STK33: variants seen among roughly 807,000 people sequenced by gnomAD.
STK33 encodes the protein serine/threonine-protein kinase 33.
STK33 carries 52 observed loss-of-function variants against 58.0 expected under a neutral mutation model. The observed-to-expected ratio is 0.90, with a 90% CI of 0.72 to 1.13. The LOEUF is 1.13. STK33 is among the 50% of genes most tolerant of loss of function. The pLI is 0.00. For synonymous variants in STK33, 215 were observed against 200.1 expected, an observed-to-expected ratio of 1.07 and a Z score of -0.63; for missense variants, 630 against 604.2, an observed-to-expected ratio of 1.04 and a Z score of -0.45.
rs1164039027 is a variant in STK33 at position 8,474,999 on chromosome 11, A to T, written c.-94T>A. Reference sequence around the variant, plus strand: ...AAAGGATAAGGTAGTTGATGGTGAAAACTGTAATTTCGAACTGGTGAAGTC... The same window carrying T: ...AAAGGATAAGGTAGTTGATGGTGAATACTGTAATTTCGAACTGGTGAAGTC... On this transcript the variant is annotated 5_prime_UTR_variant, in exon 5 of 16. Coordinates refer to ENST00000687296, the MANE Select transcript of STK33 (RefSeq NM_001352389.2). 4 of 1,248,984 alleles carry T rather than the reference A, an allele frequency of 3.2e-6. No individual in the cohort carries two copies. The Admixed American group carries it at 1.0e-4, about 32-fold the overall frequency. The allele number at this position is 1,248,984 out of a possible 1,614,324, so 77.4% of individuals were successfully genotyped here.
At chr11:8,424,250 G>C (rs1942384013) in intron 14 of STK33, among the ~76,000 whole-genome samples, 1 of 148,424 alleles carries the variant, frequency 6.7e-6, no homozygotes, top group African/African-American at 2.5e-5. Flanking sequence ...TTGGCTTTTT[G>C]TCCTTGCGAT....
At chr11:8,522,335 G>A (rs1429952388) in intron 1 of STK33, among the ~76,000 whole-genome samples, 1 of 152,174 alleles carries the variant, frequency 6.6e-6, no homozygotes, top group Non-Finnish European at 1.5e-5. Flanking sequence ...GGACATGGGT[G>A]AAGCTAGAAA....
intron 7 of STK33, among the ~76,000 whole-genome samples, chr11:8,462,603 C>G (rs1947697382): frequency 1.3e-5 from 2 of 151,548 alleles, no homozygotes; most frequent in African/African-American, 2.4e-5. Flanking sequence ...GAGAGAGAGA[C>G]AGACAGACAA....
chr11:8,489,853 G>A (rs1950471723), intron 1 of STK33, among the ~76,000 whole-genome samples: 1 of 152,096 alleles, frequency 6.6e-6, no homozygotes. Flanking sequence ...GCAGTTTTGA[G>A]CAGGCAGAAG....
the STK33 span, among the ~76,000 whole-genome samples, chr11:8,376,143 C>T: frequency 6.6e-6 from 1 of 152,206 alleles, no homozygotes; most frequent in Non-Finnish European, 1.5e-5. Context: ...TTCCAGCCAG[C>T]CCAAGCATCA....
the STK33 span, among the ~76,000 whole-genome samples, chr11:8,386,464 G>A: frequency 1.3e-5 from 2 of 152,202 alleles, no homozygotes; most frequent in African/African-American, 4.8e-5. Context: ...TGGGTAGCTA[G>A]AAGCCTTTTC....
intron 1 of STK33, chr11:8,533,265 C>CA (rs1954696261): frequency 6.6e-6 from 1 of 152,052 alleles, no homozygotes; most frequent in African/African-American, 2.4e-5. Context: ...TGCATATTTA[C>CA]ATTATTACTT....
intron 1 of STK33, among the ~76,000 whole-genome samples, chr11:8,547,663 A>G (rs1254973549): frequency 1.3e-5 from 2 of 152,166 alleles, no homozygotes; most frequent in East Asian, 1.9e-4. Flanking sequence ...ATTTTCTTCC[A>G]TTCTGTAGGT....
the STK33 span, among the ~76,000 whole-genome samples, chr11:8,335,594 T>C: frequency 6.6e-6 from 1 of 152,286 alleles, no homozygotes; most frequent in East Asian, 1.9e-4. Context: ...CCTCAAACTT[T>C]CATGCTCTGA....
At chr11:8,458,002 G>A (rs1395837424) in intron 8 of STK33, among the ~76,000 whole-genome samples, 2 of 152,158 alleles carry the variant, frequency 1.3e-5, no homozygotes, top group East Asian at 3.9e-4. Flanking sequence ...TTGGGGCCAG[G>A]TTGTAAAGAG....
chr11:8,557,052 A>C (rs1956786014), intron 1 of STK33, among the ~76,000 whole-genome samples: 1 of 151,618 alleles, frequency 6.6e-6, no homozygotes, highest in African/African-American at 2.4e-5. Context: ...GGGGTTCAAG[A>C]CCAGCCTGGG....
At chr11:8,442,421 G>A (rs1039435326) in intron 11 of STK33, among the ~76,000 whole-genome samples, 2 of 152,126 alleles carry the variant, frequency 1.3e-5, no homozygotes, top group South Asian at 2.1e-4. Context: ...CCTGGTCCTC[G>A]CTCTTTCAGA....
intron 11 of STK33, among the ~76,000 whole-genome samples, chr11:8,450,573 G>A (rs1243954178): frequency 6.6e-6 from 1 of 151,706 alleles, no homozygotes; most frequent in Non-Finnish European, 1.5e-5. Flanking sequence ...AAAAGTTCAT[G>A]ATCATAATAA....
At chr11:8,426,955 C>T (rs779431213) in intron 14 of STK33, among the ~76,000 whole-genome samples, 2 of 152,174 alleles carry the variant, frequency 1.3e-5, no homozygotes, top group Non-Finnish European at 2.9e-5. Flanking sequence ...CAGTGCTCCT[C>T]ATGTGGATAT....
At chr11:8,430,106 A>C (rs1943244273) in intron 14 of STK33, among the ~76,000 whole-genome samples, 1 of 152,204 alleles carries the variant, frequency 6.6e-6, no homozygotes, top group Non-Finnish European at 1.5e-5. Context: ...AATGAATCAA[A>C]TGTAAACTCT....
chr11:8,475,259 C>T (rs1949162200), intron 4 of STK33, 193 bp from the exon 5 acceptor site: 2 of 180,470 alleles, frequency 1.1e-5, no homozygotes, highest in Non-Finnish European at 2.3e-5. Flanking sequence ...GTTATGAAAT[C>T]CATTTTGTGG....
Position 8,452,823 on chromosome 11 carries a change from C to G in STK33, c.870G>C (p.Met290Ile). Residue 290 changes from methionine to isoleucine, a missense_variant and splice_region_variant, in exon 11 of 16, where the codon ATG becomes ATC. Physicochemically the swap from Met to Ile is conservative, Grantham distance 10. Transcript: ENST00000687296. ...TTAATTTTAAGTCTACTAACTTACC[C>G]ATATAGATAGGAGTCCCACATGTGG... ...LQATCGTPIYMAPEVISAHDY... is the reference protein window; with the variant it reads ...LQATCGTPIYIAPEVISAHDY... The G allele has an allele frequency of 6.2e-7, 1 of 1,613,450 alleles. No homozygotes were observed. Among genetic ancestry groups the G allele is most frequent in the Non-Finnish European group, 8.5e-7 (1 of 1,179,516 alleles).
chr11:8,456,243 C>T (rs1946847417), intron 9 of STK33, among the ~76,000 whole-genome samples: 1 of 152,120 alleles, frequency 6.6e-6, no homozygotes, highest in Non-Finnish European at 1.5e-5. Context: ...GAAAGCCTGC[C>T]TTTTTAATTT....
chr11:8,531,710 C>G (rs1291881043), intron 1 of STK33, among the ~76,000 whole-genome samples: 2 of 152,194 alleles, frequency 1.3e-5, no homozygotes, highest in Non-Finnish European at 2.9e-5. Flanking sequence ...TTTTCTGAAC[C>G]AGCCTTGGAA....
Sources: allele counts gnomAD v4.1 joint callset (sites outside exome capture counted in the v4.1 genomes callset), GRCh38; gene constraint gnomAD v4.1.1; transcripts MANE v1.5; gene names NCBI Gene and HGNC (gene_info 2026-07-23, HGNC 2026-07-21).